Variants in TAFA5 observed in about 807,000 individuals in gnomAD.
TAFA5 encodes the protein TAFA chemokine like family member 5, also known as chemokine-like protein TAFA-5.
A neutral mutation model predicts 15.3 loss-of-function variants in TAFA5; 6 were observed. The observed-to-expected ratio is 0.39, with a 90% CI of 0.21 to 0.77. TAFA5 has a LOEUF of 0.77. TAFA5 is among the 30% of genes least tolerant of loss of function. The pLI, the probability that TAFA5 is intolerant of heterozygous loss-of-function variation, is 0.41. For missense variants in TAFA5, 161 were observed against 193.1 expected (o/e 0.83, Z 0.98); for synonymous variants, 103 against 80.7 (o/e 1.28, Z -1.48).
chr22:48,748,670 G>A (rs1268947521), intron 3 of TAFA5, among the ~76,000 whole-genome samples: 2 of 152,208 alleles, frequency 1.3e-5, no homozygotes, highest in African/African-American at 2.4e-5. Flanking sequence ...CGGCAAGGTC[G>A]TTCCCAGAGC....
chr22:48,509,077 C>T (rs1376760485), intron 1 of TAFA5, among the ~76,000 whole-genome samples: 1 of 152,180 alleles, frequency 6.6e-6, no homozygotes, highest in Non-Finnish European at 1.5e-5. Flanking sequence ...TCTTTCTGTG[C>T]CTAACTTGTT....
At chr22:48,655,965 A>G (rs1927228996) in intron 2 of TAFA5, among the ~76,000 whole-genome samples, 1 of 148,142 alleles carries the variant, frequency 6.8e-6, no homozygotes, top group Admixed American at 6.8e-5. Flanking sequence ...CAGCCTCCCG[A>G]GTAGCAGGGA....
chr22:48,683,052 G>A (rs1265051209), intron 2 of TAFA5, among the ~76,000 whole-genome samples: 1 of 152,026 alleles, frequency 6.6e-6, no homozygotes, highest in African/African-American at 2.4e-5. Flanking sequence ...ACAGCTCCTT[G>A]CTTGCTTTCC....
chr22:48,701,629 TGGAC>T (rs1928908910), intron 2 of TAFA5, among the ~76,000 whole-genome samples: 1 of 152,224 alleles, frequency 6.6e-6, no homozygotes, highest in African/African-American at 2.4e-5. Context: ...TTTGGCAAGT[TGGAC>T]TTTCGGCAAA....
At chr22:48,503,905 G>A (rs553333045) in intron 1 of TAFA5, among the ~76,000 whole-genome samples, 57 of 152,208 alleles carry the variant, frequency 3.7e-4, no homozygotes, top group Admixed American at 7.8e-4. Flanking sequence ...AGCACCACAG[G>A]ACCCCGAGTG....
At chr22:48,663,447 C>T (rs982669102) in intron 2 of TAFA5, among the ~76,000 whole-genome samples, 9 of 152,116 alleles carry the variant, frequency 5.9e-5, no homozygotes, top group Admixed American at 4.6e-4. Flanking sequence ...GTGCAGCAGC[C>T]GGCACACGGT....
At chr22:48,492,720 A>T (rs1928198858) in intron 1 of TAFA5, among the ~76,000 whole-genome samples, 2 of 152,030 alleles carry the variant, frequency 1.3e-5, no homozygotes, top group Admixed American at 1.3e-4. Context: ...GTGGTCTGCG[A>T]CCATCACGGT....
chr22:48,544,232 C>A (rs1922572865), intron 1 of TAFA5: 4 of 195,062 alleles, frequency 2.1e-5, no homozygotes, highest in Non-Finnish European at 4.3e-5. Flanking sequence ...AGAGCCCCAC[C>A]CAGCTCTGAT....
intron 1 of TAFA5, among the ~76,000 whole-genome samples, chr22:48,532,315 C>G (rs1922001618): frequency 6.6e-6 from 1 of 152,200 alleles, no homozygotes; most frequent in South Asian, 2.1e-4. Context: ...TTTATTTACT[C>G]CGCACCTTTT....
chr22:48,648,592 G>A (rs1335275720), intron 2 of TAFA5, among the ~76,000 whole-genome samples: 2 of 152,178 alleles, frequency 1.3e-5, no homozygotes, highest in African/African-American at 4.8e-5. Context: ...TGCAATCCCA[G>A]TACTATGGGA....
intron 1 of TAFA5, among the ~76,000 whole-genome samples, chr22:48,512,126 T>C (rs1482261280): frequency 6.6e-6 from 1 of 152,036 alleles, no homozygotes. Flanking sequence ...GGCTGCAAGG[T>C]GACTGAGCCC....
intron 2 of TAFA5, among the ~76,000 whole-genome samples, chr22:48,658,006 C>T (rs1364765304): frequency 6.6e-6 from 1 of 152,212 alleles, no homozygotes; most frequent in Non-Finnish European, 1.5e-5. Flanking sequence ...TAATCAGCGT[C>T]TACAAGAAGA....
intron 1 of TAFA5, among the ~76,000 whole-genome samples, chr22:48,565,752 T>C (rs1310253390): frequency 6.6e-6 from 1 of 152,268 alleles, no homozygotes; most frequent in Non-Finnish European, 1.5e-5. Context: ...GCTTGCCTTA[T>C]GGGACTAGAA....
At chr22:48,674,019 C>T (rs1024529016) in intron 2 of TAFA5, among the ~76,000 whole-genome samples, 2 of 151,518 alleles carry the variant, frequency 1.3e-5, no homozygotes, top group East Asian at 3.9e-4. Context: ...CGCCTCACAT[C>T]TGGACTCCTC....
chr22:48,603,049 T>G (rs1210953896), intron 1 of TAFA5, among the ~76,000 whole-genome samples: 1 of 152,192 alleles, frequency 6.6e-6, no homozygotes, highest in African/African-American at 2.4e-5. Flanking sequence ...ATTCTCACAA[T>G]GGCTCAGTGA....
chr22:48,636,176 C>T (rs183769300), intron 1 of TAFA5, among the ~76,000 whole-genome samples: 34 of 152,316 alleles, frequency 2.2e-4, no homozygotes, highest in Non-Finnish European at 3.1e-4. Flanking sequence ...CTGGCCAGGT[C>T]GCTTCAGTTG....
At chr22:48,631,904 C>T (rs756679879) in intron 1 of TAFA5, among the ~76,000 whole-genome samples, 1 of 152,166 alleles carries the variant, frequency 6.6e-6, no homozygotes, top group Admixed American at 6.5e-5. Flanking sequence ...CGATGGGACC[C>T]CTGAGCCCCA....
chr22:48,562,172 C>G (rs897358207), intron 1 of TAFA5, among the ~76,000 whole-genome samples: 6 of 152,158 alleles, frequency 3.9e-5, no homozygotes, highest in Non-Finnish European at 5.9e-5. Flanking sequence ...GAGTCTCGCT[C>G]TGTCGCCCAG....
At position 48,749,907 on chromosome 22, in the gene TAFA5, C is replaced by G. The variant is rs907893791; in HGVS notation, c.*60C>G. ...TTGGCTCCCTGGAGAGCCCACGTCTCAGCCACAGTTCTCCACTCGCCTCGG... is the reference window on the plus strand; with the variant it reads ...TTGGCTCCCTGGAGAGCCCACGTCTGAGCCACAGTTCTCCACTCGCCTCGG... On this transcript the variant is annotated 3_prime_UTR_variant, in exon 4 of 4. Coordinates refer to ENST00000402357, the MANE Select transcript of TAFA5 (RefSeq NM_001082967.3). 6.7e-5 allele frequency: 99 copies of G among 1,478,092 alleles called. No individual in the cohort carries two copies. Among genetic ancestry groups the G allele is most frequent in the Middle Eastern group, 1.8e-4 (1 of 5,678 alleles). 91.6% of individuals were successfully genotyped at this position (1,478,092 alleles called of 1,614,324 possible). A position where few individuals can be genotyped will look rare whatever the true frequency, so the allele number is the denominator to read the frequency against.
Sources: gnomAD v4.1 joint callset for allele counts (sites outside exome capture counted in the v4.1 genomes callset) on GRCh38, gnomAD v4.1.1 for gene constraint, MANE v1.5 for transcripts, NCBI Gene and HGNC (gene_info 2026-07-23, HGNC 2026-07-21) for gene names.